FDFT1: variants seen among roughly 807,000 people sequenced by gnomAD.
FDFT1 encodes squalene synthase.
A neutral mutation model predicts 46.8 loss-of-function variants in FDFT1; 68 were observed. That is an observed-to-expected ratio of 1.45 (90% CI 1.19 to 1.78). The LOEUF (loss-of-function observed/expected upper bound fraction) is 1.78. FDFT1 is among the 40% of genes most tolerant of loss of function. FDFT1 has a pLI of 0.00. For synonymous variants in FDFT1, 351 were observed against 185.1 expected (o/e 1.90, Z -7.28); for missense variants, 928 against 524.4 (o/e 1.77, Z -7.52).
At chr8:11,826,956 C>G (rs1810078915) in intron 5 of FDFT1, among the ~76,000 whole-genome samples, 1 of 152,134 alleles carries the variant, frequency 6.6e-6, no homozygotes, top group African/African-American at 2.4e-5. Flanking sequence ...AATTCTGCAG[C>G]AGGAAGGGGA....
At chr8:11,826,394 A>C (rs1170007574) in intron 5 of FDFT1, among the ~76,000 whole-genome samples, 179 bp downstream of exon 5, 1 of 152,246 alleles carries the variant, frequency 6.6e-6, no homozygotes, top group Admixed American at 6.5e-5. Flanking sequence ...GCTGACTCCC[A>C]GGATTCACAC....
intron 1 of FDFT1, chr8:11,796,057 A>G (rs746953722): frequency 2.0e-5 from 3 of 152,182 alleles, no homozygotes; most frequent in African/African-American, 7.2e-5. Context: ...GTGATAACTG[A>G]CATTGTGAAA....
intron 3 of FDFT1, among the ~76,000 whole-genome samples, chr8:11,811,245 T>C (rs1807673884): frequency 6.6e-6 from 1 of 152,200 alleles, no homozygotes; most frequent in African/African-American, 2.4e-5. Flanking sequence ...TCTGTGGCGA[T>C]TCATTGATGG....
chr8:11,811,110 A>G (rs1807656819), intron 3 of FDFT1, among the ~76,000 whole-genome samples: 1 of 152,200 alleles, frequency 6.6e-6, no homozygotes, highest in Admixed American at 6.5e-5. Context: ...ACAATTCAAG[A>G]GAAGAAAGAA....
At chr8:11,806,741 G>T (rs760091863) in intron 1 of FDFT1, among the ~76,000 whole-genome samples, 1 of 152,120 alleles carries the variant, frequency 6.6e-6, no homozygotes, top group Non-Finnish European at 1.5e-5. Flanking sequence ...AGTCCAGAGC[G>T]GGTATTCTGT....
intron 4 of FDFT1, among the ~76,000 whole-genome samples, chr8:11,824,104 C>G (rs1428480491): frequency 6.6e-6 from 1 of 152,178 alleles, no homozygotes; most frequent in Non-Finnish European, 1.5e-5. Flanking sequence ...CTCAAGCAGT[C>G]CCCTCTCCAC....
intron 5 of FDFT1, among the ~76,000 whole-genome samples, chr8:11,829,633 C>G (rs904072295): frequency 6.6e-6 from 1 of 152,146 alleles, no homozygotes; most frequent in African/African-American, 2.4e-5. Context: ...TAACAGGAGC[C>G]TCTTTAGCCT....
chr8:11,807,204 C>T (rs1806968003), intron 1 of FDFT1, among the ~76,000 whole-genome samples: 1 of 152,128 alleles, frequency 6.6e-6, no homozygotes, highest in South Asian at 2.1e-4. Flanking sequence ...TGTACAATAT[C>T]ATAGTTCACT....
Position 11,796,647 on chromosome 8 carries a change from T to TAG in FDFT1, c.-94+639_-94+640dup, listed in dbSNP as rs572574362. 1.2e-3 allele frequency among the ~76,000 whole-genome samples: 182 copies of TAG among 152,286 alleles called. 1 individual carries two copies. The highest frequency in any genetic ancestry group is 3.9e-3 in the African/African-American group (162 of 41,576). On this transcript the variant is annotated intron_variant, in intron 1 of 7. Coordinates refer to the FDFT1 transcript ENST00000538689. Reference sequence around the variant, plus strand: ...GCCTGGGGAAGTTGGAAGCAGCTGATAGAGGTAGGTGTCTTCAGTGATTGG... The same window carrying TAG: ...GCCTGGGGAAGTTGGAAGCAGCTGATAGAGAGGTAGGTGTCTTCAGTGATTGG...
chr8:11,830,906 T>A (rs1291837557), intron 6 of FDFT1, among the ~76,000 whole-genome samples: 5 of 152,238 alleles, frequency 3.3e-5, no homozygotes, highest in Non-Finnish European at 7.3e-5. Context: ...CAGATACTAC[T>A]GCAAATAAGT....
intron 3 of FDFT1, among the ~76,000 whole-genome samples, chr8:11,812,487 C>T (rs547078646): frequency 2.6e-5 from 4 of 152,218 alleles, no homozygotes; most frequent in African/African-American, 9.6e-5. Flanking sequence ...AGGGAAGAGC[C>T]TGGGATATGG....
intron 1 of FDFT1, chr8:11,808,370 GC>G: frequency 6.5e-6 from 8 of 1,233,046 alleles, no homozygotes; most frequent in Non-Finnish European, 8.1e-6. Context: ...GAGGCCGGGG[GC>G]GGGGCTGCGG....
intron 5 of FDFT1, among the ~76,000 whole-genome samples, chr8:11,828,089 C>G (rs778275491): frequency 2.6e-5 from 4 of 151,758 alleles, no homozygotes; most frequent in Non-Finnish European, 4.4e-5. Flanking sequence ...GTAGGGCCAG[C>G]TACTTGGGAG....
intron 3 of FDFT1, among the ~76,000 whole-genome samples, chr8:11,818,402 G>C (rs983026504): frequency 3.3e-5 from 5 of 152,282 alleles, no homozygotes; most frequent in African/African-American, 9.6e-5. Context: ...CTGAGTTCAA[G>C]TCCTGGATAT....
chr8:11,838,690 A>AT lies in FDFT1; in HGVS notation c.*88dup, dbSNP rs990659401. The AT allele has an allele frequency of 2.2e-5, 25 of 1,111,780 alleles. No individual in the cohort carries two copies. The highest frequency in any genetic ancestry group is 3.1e-5 in the African/African-American group (2 of 64,708). The allele number at this position is 1,111,780 out of a possible 1,614,324, so 68.9% of individuals were successfully genotyped here. A position where few individuals can be genotyped will look rare whatever the true frequency, so the allele number is the denominator to read the frequency against. ...TAAGGATGGATGTTGTGTTCTCTTT[A>AT]TTTTTTTCCTACTACTTTAATCCCT... On this transcript the variant is annotated 3_prime_UTR_variant, in exon 8 of 8. Coordinates refer to ENST00000220584, the MANE Select transcript of FDFT1 (RefSeq NM_004462.5).
intron 1 of FDFT1, 98 bp from the exon 2 acceptor site, chr8:11,808,696 G>T (rs1232425948): frequency 9.6e-6 from 14 of 1,462,792 alleles, no homozygotes; most frequent in Middle Eastern, 1.9e-4. Flanking sequence ...AGGCTGTGGA[G>T]CCGCCTGCCC....
chr8:11,835,971 T>TAAAAAAAAAA lies in FDFT1; in HGVS notation c.1033-2402_1033-2393dup, dbSNP rs755611965. On this transcript the variant is annotated intron_variant, in intron 7 of 7. Transcript: ENST00000220584. ...TTATGTGATGAAACCCTGTCTCTAC[T>TAAAAAAAAAA]AAAAAAAAAAAAAAAAAAAAAAAAT... Among the ~76,000 whole-genome samples the TAAAAAAAAAA allele has an allele frequency of 2.5e-3, 163 of 64,574 alleles. 2 individuals are homozygous for TAAAAAAAAAA. Among genetic ancestry groups the TAAAAAAAAAA allele is most frequent in the East Asian group, 7.9e-3 (9 of 1,136 alleles). The allele number at this position is 64,574 out of a possible 152,430, so 42.4% of individuals were successfully genotyped here. A position where few individuals can be genotyped will look rare whatever the true frequency, so the allele number is the denominator to read the frequency against.
intron 1 of FDFT1, 154 bp downstream of exon 1, chr8:11,803,085 C>A: frequency 6.9e-7 from 1 of 1,441,354 alleles, no homozygotes; most frequent in Non-Finnish European, 9.1e-7. Context: ...AGCCTTCCCC[C>A]TGTAGGGCCC....
At chr8:11,799,757 C>G (rs1348123247), upstream of FDFT1, among the ~76,000 whole-genome samples, 2 of 151,812 alleles carry the variant, frequency 1.3e-5, no homozygotes, top group East Asian at 1.9e-4. Flanking sequence ...ACCATCCTAA[C>G]CAACATGGTG....
Sources: gnomAD v4.1 joint callset for allele counts (sites outside exome capture counted in the v4.1 genomes callset) on GRCh38, gnomAD v4.1.1 for gene constraint, MANE v1.5 for transcripts, NCBI Gene and HGNC (gene_info 2026-07-23, HGNC 2026-07-21) for gene names.